CADPS2: variants seen among roughly 807,000 people sequenced by gnomAD.
CADPS2 encodes the protein calcium dependent secretion activator 2, also known as calcium-dependent secretion activator 2.
A neutral mutation model predicts 172.5 loss-of-function variants in CADPS2; 93 were observed. The observed-to-expected ratio is 0.54, with a 90% confidence interval of 0.46 to 0.64. The LOEUF is 0.64. Ranked by LOEUF, CADPS2 falls within the 30% of genes least tolerant of loss-of-function variation. The pLI, the probability that CADPS2 is intolerant of heterozygous loss-of-function variation, is 0.00. For missense variants in CADPS2, 1,420 were observed against 1,565.9 expected (o/e 0.91, Z 1.57); for synonymous variants, 546 against 555.2 (o/e 0.98, Z 0.23).
intron 9 of CADPS2, among the ~76,000 whole-genome samples, chr7:122,493,657 G>A (rs933614179): frequency 6.6e-6 from 1 of 151,526 alleles, no homozygotes; most frequent in Non-Finnish European, 1.5e-5. Flanking sequence ...TACGTTTTAC[G>A]TACATCACAG....
intron 22 of CADPS2, among the ~76,000 whole-genome samples, chr7:122,389,310 C>A (rs1413014515): frequency 6.6e-6 from 1 of 151,922 alleles, no homozygotes; most frequent in Non-Finnish European, 1.5e-5. Flanking sequence ...CTTTTTCTGG[C>A]TTATTAAAAC....
intron 2 of CADPS2, among the ~76,000 whole-genome samples, chr7:122,688,608 C>T (rs2083925099): frequency 6.6e-6 from 1 of 152,226 alleles, no homozygotes; most frequent in Non-Finnish European, 1.5e-5. Flanking sequence ...AGCTGTGCTG[C>T]TGGCTCTCCC....
chr7:122,537,032 T>C (rs1408034670), intron 8 of CADPS2, among the ~76,000 whole-genome samples: 1 of 151,766 alleles, frequency 6.6e-6, no homozygotes, highest in Non-Finnish European at 1.5e-5. Context: ...GGGTGGAGGA[T>C]GGGAGGAGGG....
At chr7:122,397,807 A>T (rs2045356033) in intron 20 of CADPS2, among the ~76,000 whole-genome samples, 2 of 152,182 alleles carry the variant, frequency 1.3e-5, no homozygotes, top group Admixed American at 1.3e-4. Context: ...GTAAGAGGCA[A>T]GTTCTTAATG....
At chr7:122,548,859 G>A (rs77228644) in intron 8 of CADPS2, among the ~76,000 whole-genome samples, 2,288 of 152,152 alleles carry the variant, frequency 0.015, 57 homozygotes, top group African/African-American at 0.052. Flanking sequence ...TGGACATAGA[G>A]AGAAGACAAA....
At chr7:122,626,538 CCT>C (rs1421060763) in intron 4 of CADPS2, among the ~76,000 whole-genome samples, 4 of 151,932 alleles carry the variant, frequency 2.6e-5, no homozygotes, top group African/African-American at 9.7e-5. Flanking sequence ...CCACCCACCA[CCT>C]CTCTCCTACA....
At chr7:122,482,124 G>A (rs747371473) in intron 11 of CADPS2, among the ~76,000 whole-genome samples, 16 of 152,100 alleles carry the variant, frequency 1.1e-4, no homozygotes, top group Non-Finnish European at 2.2e-4. Context: ...CAATAGCCAC[G>A]AGCTCAACAC....
intron 9 of CADPS2, among the ~76,000 whole-genome samples, chr7:122,510,693 G>A (rs1182454428): frequency 2.6e-5 from 4 of 152,142 alleles, no homozygotes; most frequent in Admixed American, 2.0e-4. Context: ...CTGTGAAAAC[G>A]ATTCCTTCAC....
At chr7:122,849,780 G>T in intron 1 of CADPS2, 1 of 480,252 alleles carries the variant, frequency 2.1e-6, no homozygotes, top group Non-Finnish European at 4.1e-6. Flanking sequence ...CCCCAAGCCA[G>T]CCCCCAGCCC....
chr7:122,587,341 C>A (rs1002437162), intron 6 of CADPS2, among the ~76,000 whole-genome samples: 8 of 152,064 alleles, frequency 5.3e-5, no homozygotes, highest in Non-Finnish European at 7.4e-5. Context: ...GCTCAGCTCC[C>A]ACATATAAGT....
At chr7:122,807,000 G>A (rs1011559261) in intron 1 of CADPS2, among the ~76,000 whole-genome samples, 6 of 152,192 alleles carry the variant, frequency 3.9e-5, no homozygotes, top group African/African-American at 7.2e-5. Context: ...CTCCTTTGCA[G>A]TGAAAATGAT....
At chr7:122,601,647 T>C (rs903999344) in intron 6 of CADPS2, among the ~76,000 whole-genome samples, 1 of 152,036 alleles carries the variant, frequency 6.6e-6, no homozygotes, top group Non-Finnish European at 1.5e-5. Context: ...GCAATGTTTC[T>C]AGAGCCTGTA....
At chr7:122,869,368 C>G (rs2189838) in intron 1 of CADPS2, among the ~76,000 whole-genome samples, 67,325 of 151,890 alleles carry the variant, frequency 0.44, 17,371 homozygotes, top group African/African-American at 0.72. Flanking sequence ...ACTTCTATAA[C>G]ACTACTAGCA....
intron 28 of CADPS2, among the ~76,000 whole-genome samples, chr7:122,338,430 ATAAGTAAC>A (rs2036243321): frequency 6.6e-6 from 1 of 151,882 alleles, no homozygotes; most frequent in African/African-American, 2.4e-5. Flanking sequence ...AAATAAATAA[ATAAGTAAC>A]CTCAAACAGC....
intron 1 of CADPS2, among the ~76,000 whole-genome samples, chr7:122,804,166 C>G (rs2140025265): frequency 6.6e-6 from 1 of 152,234 alleles, no homozygotes; most frequent in South Asian, 2.1e-4. Flanking sequence ...TTAATCCTAG[C>G]CCACTTAGTT....
At position 122,410,359 on chromosome 7, in the gene CADPS2, C is replaced by T. The variant is rs188007693; in HGVS notation, c.2590-2663G>A. 3.5e-3 allele frequency among the ~76,000 whole-genome samples: 524 copies of T among 149,884 alleles called. 13 individuals are homozygous for T. In the Middle Eastern group the frequency reaches 0.068, roughly 20 times the overall value. ...ACACTGTCTTAAAAAAAACAAAAAACAAAAACAAAAACAAAACTTATACAG... is the reference window on the plus strand; with the variant it reads ...ACACTGTCTTAAAAAAAACAAAAAATAAAAACAAAAACAAAACTTATACAG... On this transcript the variant is annotated intron_variant, in intron 19 of 29. Coordinates refer to ENST00000449022, the MANE Select transcript of CADPS2 (RefSeq NM_017954.11).
At chr7:122,415,153 G>A (rs1449851339) in intron 18 of CADPS2, among the ~76,000 whole-genome samples, 1 of 152,138 alleles carries the variant, frequency 6.6e-6, no homozygotes, top group Non-Finnish European at 1.5e-5. Context: ...AAACAATACA[G>A]GTTTGATTAA....
At chr7:122,697,712 AACAG>A (rs2085337126) in intron 2 of CADPS2, 1 of 1,128,322 alleles carries the variant, frequency 8.9e-7, no homozygotes, top group Non-Finnish European at 1.2e-6. Flanking sequence ...CCACACTTCA[AACAG>A]ACAAACTGCT....
rs564083907 is a variant in CADPS2, at chr7:122,705,768, G to C, written c.453+31187C>G. ...ATAATATATATAATATATAATATATGATATATTATATAATATATATCATAT... is the reference window on the plus strand; with the variant it reads ...ATAATATATATAATATATAATATATCATATATTATATAATATATATCATAT... On this transcript the variant is annotated intron_variant, in intron 2 of 29. Transcript: ENST00000449022. Among the ~76,000 whole-genome samples, 2 of 9,208 alleles carry C rather than the reference G, an allele frequency of 2.2e-4. 1 individual carries two copies. Among genetic ancestry groups the C allele is most frequent in the Non-Finnish European group, 3.8e-4 (2 of 5,270 alleles). 6.0% of individuals were successfully genotyped at this position (9,208 alleles called of 152,430 possible). A position where few individuals can be genotyped will look rare whatever the true frequency, so the allele number is the denominator to read the frequency against.
Sources: gnomAD v4.1 joint callset for allele counts (sites outside exome capture counted in the v4.1 genomes callset) on GRCh38, gnomAD v4.1.1 for gene constraint, MANE v1.5 for transcripts, NCBI Gene and HGNC (gene_info 2026-07-23, HGNC 2026-07-21) for gene names.